The following DPP6 variants were observed in gnomAD, a reference collection of about 807,000 sequenced individuals.
DPP6 encodes A-type potassium channel modulatory protein DPP6.
In DPP6, 69 loss-of-function variants were observed where a neutral mutation model predicts 122.6. The ratio of observed to expected loss-of-function variants is 0.56; its 90% CI spans 0.46 to 0.69. DPP6 has a LOEUF of 0.69. DPP6 is among the 30% of genes least tolerant of loss of function. The probability of loss-of-function intolerance (pLI) is 0.00; values close to 1 mark genes in which losing one functional copy is unlikely to be tolerated. For synonymous variants in DPP6, 418 were observed against 433.1 expected (o/e 0.97, Z 0.43); for missense variants, 928 against 1,116.9 (o/e 0.83, Z 2.41).
At chr7:154,150,845 T>C (rs1796375673) in intron 1 of DPP6, among the ~76,000 whole-genome samples, 1 of 152,198 alleles carries the variant, frequency 6.6e-6, no homozygotes, top group Non-Finnish European at 1.5e-5. Context: ...ACCAAAGTGC[T>C]TTCCCCACCA....
chr7:153,802,498 C>G, the DPP6 span, among the ~76,000 whole-genome samples: 1 of 152,030 alleles, frequency 6.6e-6, no homozygotes, highest in Admixed American at 6.5e-5. Context: ...AAGAAACAAA[C>G]AAAATATTGG....
At chr7:154,631,376 C>T (rs756536892) in intron 5 of DPP6, among the ~76,000 whole-genome samples, 1 of 152,128 alleles carries the variant, frequency 6.6e-6, no homozygotes, top group Non-Finnish European at 1.5e-5. Context: ...AAAGATGCCA[C>T]GTGTTTGGTA....
At chr7:154,757,669 C>A (rs1257636036) in intron 8 of DPP6, among the ~76,000 whole-genome samples, 1 of 152,210 alleles carries the variant, frequency 6.6e-6, no homozygotes, top group Admixed American at 6.5e-5. Context: ...GTGTCCTGGC[C>A]TCTTATCTAT....
intron 1 of DPP6, among the ~76,000 whole-genome samples, chr7:154,137,644 G>T (rs1278901600): frequency 3.9e-5 from 2 of 51,174 alleles, no homozygotes; most frequent in African/African-American, 7.5e-5. Flanking sequence ...GAGATGGTGG[G>T]GGGGGTGGGG....
intron 1 of DPP6, among the ~76,000 whole-genome samples, chr7:154,442,085 C>A (rs982113683): frequency 6.6e-6 from 1 of 152,118 alleles, no homozygotes. Context: ...TTGCATTAAC[C>A]CTTTGCTTTC....
intron 4 of DPP6, among the ~76,000 whole-genome samples, chr7:154,550,837 G>A (rs145269696): frequency 0.028 from 4,167 of 147,738 alleles, 191 homozygotes; most frequent in African/African-American, 0.096. Flanking sequence ...TGCAACCTCC[G>A]TCTCCCAGGT....
At chr7:154,330,276 C>T (rs1022026414) in intron 1 of DPP6, among the ~76,000 whole-genome samples, 1 of 152,124 alleles carries the variant, frequency 6.6e-6, no homozygotes, top group African/African-American at 2.4e-5. Context: ...ATTGAGATCA[C>T]CACAGATGGC....
At chr7:154,250,919 G>A (rs953802145) in intron 1 of DPP6, among the ~76,000 whole-genome samples, 5 of 152,162 alleles carry the variant, frequency 3.3e-5, no homozygotes, top group Non-Finnish European at 4.4e-5. Context: ...GTATTGAGAA[G>A]CAATGTGGGC....
At chr7:154,028,613 G>A (rs937622466) in intron 1 of DPP6, among the ~76,000 whole-genome samples, 3 of 151,796 alleles carry the variant, frequency 2.0e-5, no homozygotes, top group Admixed American at 6.5e-5. Flanking sequence ...AAGGATCCCT[G>A]TGGCAAGCCC....
At chr7:154,224,471 CTG>C (rs1161389103) in intron 1 of DPP6, among the ~76,000 whole-genome samples, 1 of 149,282 alleles carries the variant, frequency 6.7e-6, no homozygotes, top group African/African-American at 2.5e-5. Flanking sequence ...TTTGAGGAAA[CTG>C]TGTACTCTAA....
intron 16 of DPP6, among the ~76,000 whole-genome samples, chr7:154,846,903 A>G (rs575313701): frequency 7.1e-4 from 108 of 152,308 alleles, no homozygotes; most frequent in African/African-American, 2.6e-3. Flanking sequence ...CCATGTCGAT[A>G]GGTGTAGATC....
At chr7:154,387,423 G>C (rs755652866) in intron 1 of DPP6, among the ~76,000 whole-genome samples, 1 of 152,198 alleles carries the variant, frequency 6.6e-6, no homozygotes, top group South Asian at 2.1e-4. Context: ...TTCTAGCCAA[G>C]TCTTGGGAGA....
intron 1 of DPP6, among the ~76,000 whole-genome samples, chr7:154,010,777 CA>C (rs1798119649): frequency 6.6e-6 from 1 of 152,160 alleles, no homozygotes; most frequent in African/African-American, 2.4e-5. Flanking sequence ...TTATAAAACC[CA>C]ACTGTGCAAG....
chr7:153,834,265 T>C, the DPP6 span, among the ~76,000 whole-genome samples: 1 of 145,156 alleles, frequency 6.9e-6, no homozygotes, highest in African/African-American at 2.6e-5. Flanking sequence ...CCAGCCTGGG[T>C]GACTCCATCT....
chr7:154,269,892 C>A (rs1213089835), intron 1 of DPP6, among the ~76,000 whole-genome samples: 1 of 152,124 alleles, frequency 6.6e-6, no homozygotes, highest in Non-Finnish European at 1.5e-5. Context: ...GTATACCGTA[C>A]TTCTTAGGTA....
chr7:153,928,396 A>ATTTTT lies in DPP6; in HGVS notation c.51+40683_51+40687dup, dbSNP rs71182854. On this transcript the variant is annotated intron_variant, in intron 1 of 25. Transcript: ENST00000404039. ...CTGGCTAATTTTTTTCTTTTCTTTC[A>ATTTTT]TTTTTTTTTTTTTTTTTTTTTTTTT... 3.4e-3 allele frequency among the ~76,000 whole-genome samples: 148 copies of ATTTTT among 43,694 alleles called. 26 individuals are homozygous for ATTTTT. Among genetic ancestry groups the ATTTTT allele is most frequent in the Middle Eastern group, 0.022 (1 of 46 alleles). 28.7% of individuals were successfully genotyped at this position (43,694 alleles called of 152,430 possible). A position where few individuals can be genotyped will look rare whatever the true frequency, so the allele number is the denominator to read the frequency against.
At chr7:154,130,271 C>T (rs971811812) in intron 1 of DPP6, among the ~76,000 whole-genome samples, 1 of 151,964 alleles carries the variant, frequency 6.6e-6, no homozygotes, top group African/African-American at 2.4e-5. Context: ...CAAGGTCGTT[C>T]CTTAGTCGTT....
chr7:154,256,320 C>T (rs527911498), intron 1 of DPP6, among the ~76,000 whole-genome samples: 3 of 152,288 alleles, frequency 2.0e-5, no homozygotes, highest in East Asian at 3.9e-4. Flanking sequence ...GTACACCATG[C>T]AGGGGCCCCT....
At chr7:154,838,110 G>A (rs977380700) in intron 16 of DPP6, among the ~76,000 whole-genome samples, 5 of 152,198 alleles carry the variant, frequency 3.3e-5, no homozygotes, top group Admixed American at 6.5e-5. Flanking sequence ...GTGGCACTCC[G>A]TGTTCACGAG....
Sources: allele counts gnomAD v4.1 joint callset (sites outside exome capture counted in the v4.1 genomes callset), GRCh38; gene constraint gnomAD v4.1.1; transcripts MANE v1.5; gene names NCBI Gene and HGNC (gene_info 2026-07-23, HGNC 2026-07-21).